The following DCLK1 variants were observed in gnomAD, a reference collection of about 807,000 sequenced individuals.
DCLK1 encodes doublecortin like kinase 1, also known as serine/threonine-protein kinase DCLK1.
In DCLK1, 16 loss-of-function variants were observed where a neutral mutation model predicts 86.2. The ratio of observed to expected loss-of-function variants is 0.19; its 90% confidence interval spans 0.13 to 0.28. The LOEUF (loss-of-function observed/expected upper bound fraction) is 0.28. Among genes scored for constraint, DCLK1 ranks in the 10% least tolerant of loss-of-function variants. The pLI, the probability that DCLK1 is intolerant of heterozygous loss-of-function variation, is 1.00. For synonymous variants in DCLK1, 369 were observed against 370.5 expected (o/e 1.00, Z 0.05); for missense variants, 590 against 940.2 (o/e 0.63, Z 4.87).
rs188399818 is a variant in DCLK1 at position 35,984,478 on chromosome 13, C to G, written c.724-37021G>C. Reference sequence around the variant, plus strand: ...CAGTGGGTGAGGGAGCAATTCATCTCCTCTCCAGGATGGGGCTGTTGAGCT... The same window carrying G: ...CAGTGGGTGAGGGAGCAATTCATCTGCTCTCCAGGATGGGGCTGTTGAGCT... On this transcript the variant is annotated intron_variant, in intron 3 of 16. Coordinates refer to ENST00000360631, the MANE Select transcript of DCLK1 (RefSeq NM_001330071.2). Among the ~76,000 whole-genome samples the G allele has an allele frequency of 3.3e-5, 5 of 152,308 alleles. No individual in the cohort carries two copies. The East Asian group carries it at 7.7e-4, about 24-fold the overall frequency.
chr13:35,878,743 C>T (rs1410843072), intron 4 of DCLK1, among the ~76,000 whole-genome samples: 1 of 152,052 alleles, frequency 6.6e-6, no homozygotes, highest in African/African-American at 2.4e-5. Context: ...ATCAAAATAT[C>T]TCATGTACTC....
intron 3 of DCLK1, among the ~76,000 whole-genome samples, chr13:36,052,947 T>C (rs1284608391): frequency 1.3e-5 from 2 of 152,122 alleles, no homozygotes; most frequent in Non-Finnish European, 2.9e-5. Context: ...TGACTGAGCT[T>C]CTTTGAGGAT....
intron 3 of DCLK1, among the ~76,000 whole-genome samples, chr13:36,033,176 A>G (rs1216444050): frequency 6.6e-6 from 1 of 152,244 alleles, no homozygotes; most frequent in Non-Finnish European, 1.5e-5. Flanking sequence ...TTTGTGTTCA[A>G]TCCAGAAGAA....
intron 6 of DCLK1, among the ~76,000 whole-genome samples, chr13:35,845,069 G>A (rs1337058397): frequency 3.3e-5 from 5 of 152,118 alleles, no homozygotes; most frequent in South Asian, 2.1e-4. Flanking sequence ...CCAACATGGC[G>A]AAACCCTGTC....
intron 16 of DCLK1, among the ~76,000 whole-genome samples, chr13:35,789,842 T>A (rs1208500963): frequency 1.3e-5 from 2 of 152,182 alleles, no homozygotes; most frequent in African/African-American, 4.8e-5. Flanking sequence ...ATTTCATGTC[T>A]ATAAATTGCA....
intron 3 of DCLK1, among the ~76,000 whole-genome samples, chr13:36,053,082 C>A (rs1286547966): frequency 2.0e-5 from 3 of 152,124 alleles, no homozygotes; most frequent in East Asian, 1.9e-4. Flanking sequence ...CCTCCAAATT[C>A]TGTTAGAGAG....
intron 3 of DCLK1, among the ~76,000 whole-genome samples, chr13:35,959,863 GTGTGTGTGT>G (rs1878359536): frequency 1.2e-5 from 1 of 85,770 alleles, no homozygotes; most frequent in African/African-American, 4.6e-5. Context: ...TCGTGTGTGT[GTGTGTGTGT>G]GTGTGTGTGT....
chr13:35,972,083 C>A (rs541942147), intron 3 of DCLK1, among the ~76,000 whole-genome samples: 1 of 152,238 alleles, frequency 6.6e-6, no homozygotes, highest in African/African-American at 2.4e-5. Flanking sequence ...ACTTGGATAC[C>A]TATCCTTGTC....
chr13:35,889,400 T>G lies in DCLK1; in HGVS notation c.824-18060A>C, dbSNP rs140173817. ...AAAAGAAGGAAGCAATAAATCACCC[T>G]AAATTAGGAGTTAGGGGCTCTCCCT... is the stretch of plus-strand genomic sequence containing the variant. On this transcript the variant is annotated intron_variant, in intron 4 of 16. Transcript: ENST00000360631. 1.4e-4 allele frequency among the ~76,000 whole-genome samples: 22 copies of G among 152,282 alleles called. 1 individual carries two copies. The East Asian group carries it at 3.9e-3, about 27-fold the overall frequency.
At chr13:35,859,873 C>T (rs558311624) in intron 5 of DCLK1, among the ~76,000 whole-genome samples, 4 of 152,308 alleles carry the variant, frequency 2.6e-5, no homozygotes, top group East Asian at 3.9e-4. Context: ...TGACTTTCCA[C>T]GCATATGTAG....
At chr13:36,107,360 T>TTTTG (rs1469874317) in intron 3 of DCLK1, among the ~76,000 whole-genome samples, 5 of 106,002 alleles carry the variant, frequency 4.7e-5, no homozygotes, top group African/African-American at 1.7e-4. Context: ...TTTTTTTTTT[T>TTTTG]TGAGACGGGG....
chr13:35,864,393 G>A lies in DCLK1; in HGVS notation c.940+6831C>T, dbSNP rs574353517. 3.1e-3 allele frequency among the ~76,000 whole-genome samples: 378 copies of A among 120,466 alleles called. 67 individuals are homozygous for A. Among genetic ancestry groups the A allele is most frequent in the Non-Finnish European group, 4.8e-3 (286 of 59,738 alleles). The allele number at this position is 120,466 out of a possible 152,430, so 79.0% of individuals were successfully genotyped here. On this transcript the variant is annotated intron_variant, in intron 5 of 16. Coordinates refer to ENST00000360631, the MANE Select transcript of DCLK1 (RefSeq NM_001330071.2). ...ATCCCGGCTAAAACGGTGAAACCCCGTCTCTACTAAAAATACAAAAAATTA... is the reference window on the plus strand; with the variant it reads ...ATCCCGGCTAAAACGGTGAAACCCCATCTCTACTAAAAATACAAAAAATTA...
Position 35,805,767 on chromosome 13 carries a change from T to C in DCLK1, c.1876A>G (p.Met626Val). 3.1e-6 allele frequency: 5 copies of C among 1,613,788 alleles called. No individual in the cohort carries two copies. The highest frequency in any genetic ancestry group is 1.7e-5 in the Admixed American group (1 of 59,904). Residue 626 changes from methionine (M) to valine (V), a missense_variant, in exon 15 of 17, where the codon ATG (methionine) becomes GTG (valine). Around this residue, in one of 6 missense-constraint regions of DCLK1, gnomAD observed 146 missense variants for 190.2 expected, o/e 0.77. Transcript: ENST00000360631. ...VSDSAKELIT[M>V]MLLVDVDQRF... ...TGATCTACATCGACCAACAGCATCA[T>C]GGTAATGAGCTCCTGTGAAGGGGAA...
At chr13:35,959,073 G>T (rs1024337955) in intron 3 of DCLK1, among the ~76,000 whole-genome samples, 1 of 152,108 alleles carries the variant, frequency 6.6e-6, no homozygotes, top group Non-Finnish European at 1.5e-5. Context: ...ATTCTGATGT[G>T]GGTACACAAC....
intron 4 of DCLK1, among the ~76,000 whole-genome samples, chr13:35,920,907 A>G (rs1473793264): frequency 6.6e-6 from 1 of 151,820 alleles, no homozygotes; most frequent in Non-Finnish European, 1.5e-5. Context: ...CACTCCCTGC[A>G]TTCAGTAAGT....
intron 6 of DCLK1, among the ~76,000 whole-genome samples, chr13:35,839,397 T>C (rs909049692): frequency 6.6e-6 from 1 of 152,116 alleles, no homozygotes; most frequent in African/African-American, 2.4e-5. Flanking sequence ...ATCAAGCTGG[T>C]TATTGTGAAC....
intron 4 of DCLK1, among the ~76,000 whole-genome samples, chr13:35,895,565 T>C (rs1026516090): frequency 1.3e-5 from 2 of 152,216 alleles, no homozygotes; most frequent in African/African-American, 4.8e-5. Context: ...AATTGTCTTC[T>C]GTAAGTGATA....
intron 11 of DCLK1, among the ~76,000 whole-genome samples, chr13:35,813,439 T>A (rs2087193868): frequency 6.6e-6 from 1 of 152,132 alleles, no homozygotes; most frequent in South Asian, 2.1e-4. Flanking sequence ...GTAGGAAAAG[T>A]TTTCTTTTCG....
chr13:35,870,271 TA>T (rs1872172093), intron 5 of DCLK1, among the ~76,000 whole-genome samples: 1 of 152,008 alleles, frequency 6.6e-6, no homozygotes, highest in Non-Finnish European at 1.5e-5. Flanking sequence ...CAGTAATTGG[TA>T]AAACTCCAAG....
Sources: gnomAD v4.1 joint callset for allele counts (sites outside exome capture counted in the v4.1 genomes callset) on GRCh38, gnomAD v4.1.1 for gene constraint, gnomAD v4.1.1 regional missense constraint, MANE v1.5 for transcripts, NCBI Gene and HGNC (gene_info 2026-07-23, HGNC 2026-07-21) for gene names.